CARNS1: variants seen among roughly 807,000 people sequenced by gnomAD.
The protein encoded by CARNS1 is carnosine synthase 1, also known as ATP-grasp domain containing 1.
A neutral mutation model predicts 74.0 loss-of-function variants in CARNS1; 61 were observed. That is an observed-to-expected ratio of 0.82 (90% confidence interval 0.67 to 1.02). The LOEUF is 1.02. Ranked by LOEUF, CARNS1 falls within the 50% of genes least tolerant of loss-of-function variation. CARNS1 has a pLI of 0.00. For synonymous variants in CARNS1, 568 were observed against 605.5 expected, an observed-to-expected ratio of 0.94 and a Z score of 0.91; for missense variants, 1,278 against 1,308.4, an observed-to-expected ratio of 0.98 and a Z score of 0.36.
Position 67,418,817 on chromosome 11 carries a change from GGGTGA to G in CARNS1, c.429_433del (p.Glu144SerfsTer20). 1 of 1,600,472 alleles carries G rather than the reference GGGTGA, an allele frequency of 6.2e-7. No individual in the cohort carries two copies. The highest frequency in any genetic ancestry group is 8.5e-7 in the Non-Finnish European group (1 of 1,174,172). On this transcript the variant is annotated frameshift_variant, in exon 5 of 10. Coordinates refer to ENST00000687366, the MANE Select transcript of CARNS1 (RefSeq NM_001166222.2). LOFTEE classifies it high-confidence loss of function. ...TGAAGGTGCCAGCACCCGGGCAGCC[GGGTGA>G]GGCAGCCCTGCTAGTCTCCAAGGCT...
At chr11:67,418,637 A>C in intron 4 of CARNS1, 117 bp downstream of exon 4, 1 of 1,437,988 alleles carries the variant, frequency 7.0e-7, no homozygotes, top group Non-Finnish European at 9.2e-7. Context: ...CCACCGGAGC[A>C]GCTGCCATGC....
At chr11:67,416,148 C>A in intron 1 of CARNS1, 28 bp from the exon 2 acceptor site, 1 of 1,385,712 alleles carries the variant, frequency 7.2e-7, no homozygotes, top group Non-Finnish European at 9.9e-7. Flanking sequence ...ACTCCTTCGT[C>A]TCTCTGTCCC....
rs561765457 is a variant in CARNS1, at chr11:67,417,637, C to A, written c.234C>A (p.Gly78=). The change falls in exon 3 of 10, where the codon GGC becomes GGA. Residue 78 remains glycine (G), a synonymous_variant. Coordinates refer to ENST00000687366, the MANE Select transcript of CARNS1 (RefSeq NM_001166222.2). ...TGCAGAGCTGTCTGCAGCAAGCTGG[C>A]CTTCCGGAGACTCAGGACCGCGGCC... is the stretch of plus-strand genomic sequence containing the variant. ...SLLQSCLQQA[G]LPETQDRGQV... is the part of the protein sequence containing the mutation. The A allele has an allele frequency of 8.7e-6, 11 of 1,270,600 alleles. No homozygotes were observed. Among genetic ancestry groups the A allele is most frequent in the Non-Finnish European group, 1.1e-5 (11 of 1,006,242 alleles). The allele number at this position is 1,270,600 out of a possible 1,614,324, so 78.7% of individuals were successfully genotyped here.
intron 3 of CARNS1, among the ~76,000 whole-genome samples, chr11:67,418,107 G>A (rs1863594185): frequency 1.3e-5 from 2 of 152,108 alleles, no homozygotes; most frequent in South Asian, 4.1e-4. Flanking sequence ...TCACAGACTT[G>A]GTCCCATTGT....
In CARNS1 at chr11:67,418,463, C is replaced by T. The variant is rs917225584; in HGVS notation, c.307C>T (p.Leu103=). The T allele has an allele frequency of 6.8e-7, 1 of 1,475,942 alleles. No homozygotes were observed. 91.4% of individuals were successfully genotyped at this position (1,475,942 alleles called of 1,614,324 possible). A position where few individuals can be genotyped will look rare whatever the true frequency, so the allele number is the denominator to read the frequency against. The part of the protein sequence containing the change: ...CPGAEVTLCV[L]GSPSTFLPVL... ...TGGGGCGGAGGTGACCTTGTGCGTT[C>T]TGGGCTCCCCCAGCACCTTTCTGCC... Residue 103 remains leucine (L), a synonymous_variant, in exon 4 of 10, where the codon CTG becomes TTG. Coordinates refer to ENST00000687366, the MANE Select transcript of CARNS1 (RefSeq NM_001166222.2).
In CARNS1 at chr11:67,424,445, C is replaced by A; in HGVS notation, c.2697C>A (p.Ala899=). Residue 899 remains alanine (A), a synonymous_variant, in exon 10 of 10, where the codon GCC becomes GCA. Transcript: ENST00000687366. ...TACGCCTCAATCTGCTGGAGGAGGC[C>A]CTGGTGCCTGGCGAGTATGAGGAGC... is the stretch of plus-strand genomic sequence containing the variant. ...GLLRLNLLEE[A]LVPGEYEEPY... 2 of 1,588,688 alleles carry A rather than the reference C, an allele frequency of 1.3e-6. No individual in the cohort carries two copies. Among genetic ancestry groups the A allele is most frequent in the Non-Finnish European group, 8.6e-7 (1 of 1,168,642 alleles).
chr11:67,421,332 G>T, intron 9 of CARNS1, 113 bp downstream of exon 9: 1 of 1,186,416 alleles, frequency 8.4e-7, no homozygotes, highest in African/African-American at 1.6e-5. Flanking sequence ...GACCAGCCGC[G>T]CTAGAGGCGG....
intron 9 of CARNS1, among the ~76,000 whole-genome samples, chr11:67,421,422 G>A (rs1395613802): frequency 6.6e-6 from 1 of 152,234 alleles, no homozygotes; most frequent in Non-Finnish European, 1.5e-5. Context: ...AGGGTGAGGG[G>A]ACTCCGCTAG....
chr11:67,423,332 G>C lies in CARNS1; in HGVS notation c.1627-43G>C, dbSNP rs201038519. 3 of 1,569,264 alleles carry C rather than the reference G, an allele frequency of 1.9e-6. No homozygotes were observed. The highest frequency in any genetic ancestry group is 1.3e-5 in the African/African-American group (1 of 74,490). Reference sequence around the variant, plus strand: ...CCCCATCCTATCCCCCTAGCACCCAGTACTAGCTGACCTGGATATGCCCCA... The same window carrying C: ...CCCCATCCTATCCCCCTAGCACCCACTACTAGCTGACCTGGATATGCCCCA... On this transcript the variant is annotated intron_variant, in intron 9 of 9. Coordinates refer to ENST00000687366, the MANE Select transcript of CARNS1 (RefSeq NM_001166222.2). This position sits in a 1 kb window ranked among gnomAD's most constrained non-coding sequence, Gnocchi z 5.1.
At chr11:67,419,928 T>G in intron 7 of CARNS1, 90 bp downstream of exon 7, 1 of 1,351,632 alleles carries the variant, frequency 7.4e-7, no homozygotes, top group African/African-American at 1.4e-5. Flanking sequence ...CTGAGCCGTC[T>G]CTGGGCAGAG....
chr11:67,421,110 T>C lies in CARNS1; in HGVS notation c.1517T>C (p.Leu506Pro). 2.1e-6 allele frequency: 3 copies of C among 1,454,838 alleles called. No homozygotes were observed. Among genetic ancestry groups the C allele is most frequent in the Non-Finnish European group, 2.7e-6 (3 of 1,110,410 alleles). 90.1% of individuals were successfully genotyped at this position (1,454,838 alleles called of 1,614,324 possible). The change falls in exon 9 of 10, where the codon CTT (leucine) becomes CCT (proline). Residue 506 changes from leucine to proline, a missense_variant. Physicochemically the swap from Leu to Pro is moderately conservative, Grantham distance 98 (BLOSUM62 -3). Coordinates refer to ENST00000687366, the MANE Select transcript of CARNS1 (RefSeq NM_001166222.2). ...GCGGCGCCGCTGGTGGAGACCATGC[T>C]TCGGCGGTCGGCGCGCTGCCTCATG... The part of the protein sequence containing the change: ...AVAAPLVETM[L>P]RRSARCLMEG...
rs1590965090 is a variant in CARNS1 at position 67,425,113 on chromosome 11, A to G, written c.*512A>G. 2 of 456,368 alleles carry G rather than the reference A, an allele frequency of 4.4e-6. No individual in the cohort carries two copies. The highest frequency in any genetic ancestry group is 8.8e-6 in the Non-Finnish European group (2 of 227,174). The allele number at this position is 456,368 out of a possible 1,614,324, so 28.3% of individuals were successfully genotyped here. A position where few individuals can be genotyped will look rare whatever the true frequency, so the allele number is the denominator to read the frequency against. ...CCTGCTGGAAACTTGGTGGCATCCA[A>G]CCTGCCTCATTCGGCCTGACCGGTA... On this transcript the variant is annotated 3_prime_UTR_variant, in exon 10 of 10. Coordinates refer to ENST00000687366, the MANE Select transcript of CARNS1 (RefSeq NM_001166222.2).
At chr11:67,417,217 A>C (rs948377851) in intron 2 of CARNS1, 190 bp from the exon 3 acceptor site, 2 of 1,230,970 alleles carry the variant, frequency 1.6e-6, no homozygotes, top group Admixed American at 8.5e-5. Flanking sequence ...CAGTTTACAA[A>C]GCACTCCCAC....
At chr11:67,416,879 A>C in intron 2 of CARNS1, 1 of 986,544 alleles carries the variant, frequency 1.0e-6, no homozygotes. Context: ...CTGGGCACAC[A>C]GTAGGGCTTC....
Position 67,424,664 on chromosome 11 carries a change from T to C in CARNS1, c.*63T>C, listed in dbSNP as rs1863791665. ...AGGCACTGTGGTGCCCTCTGCTCCC[T>C]GGAGCTCTTCCTGCTTCTCTCCCCA... On this transcript the variant is annotated 3_prime_UTR_variant, in exon 10 of 10. Transcript: ENST00000687366. 2.7e-6 allele frequency: 4 copies of C among 1,477,104 alleles called. No individual in the cohort carries two copies. Among genetic ancestry groups the C allele is most frequent in the Non-Finnish European group, 3.6e-6 (4 of 1,105,574 alleles). The allele number at this position is 1,477,104 out of a possible 1,614,324, so 91.5% of individuals were successfully genotyped here.
At chr11:67,421,523 T>C (rs535477487) in intron 9 of CARNS1, among the ~76,000 whole-genome samples, 2 of 152,172 alleles carry the variant, frequency 1.3e-5, no homozygotes, top group South Asian at 4.2e-4. Context: ...GGGACAGCGT[T>C]AGCGCCAGAG....
At chr11:67,416,386 G>A (rs947315760) in intron 2 of CARNS1, 184 bp downstream of exon 2, 10 of 1,430,648 alleles carry the variant, frequency 7.0e-6, no homozygotes, top group Middle Eastern at 2.3e-4. Context: ...CACTCTTAGT[G>A]CCCTGTGACA....
At chr11:67,419,924 C>T (rs1176565833) in intron 7 of CARNS1, 86 bp downstream of exon 7, 22 of 1,365,662 alleles carry the variant, frequency 1.6e-5, no homozygotes, top group Non-Finnish European at 2.0e-5. Context: ...GCCCCTGAGC[C>T]GTCTCTGGGC....
In CARNS1 at chr11:67,423,696, G is replaced by A; in HGVS notation, c.1948G>A (p.Val650Met). 2.5e-6 allele frequency: 4 copies of A among 1,585,914 alleles called. No individual in the cohort carries two copies. The highest frequency in any genetic ancestry group is 3.4e-6 in the Non-Finnish European group (4 of 1,170,360). Residue 650 changes from valine to methionine, a missense_variant, in exon 10 of 10, where the codon GTG becomes ATG. Coordinates refer to ENST00000687366, the MANE Select transcript of CARNS1 (RefSeq NM_001166222.2). The surrounding 1 kb of genome is among the most constrained non-coding windows in gnomAD (Gnocchi z 5.1). The part of the protein sequence containing the change: ...PPWPAPSLHA[V>M]PCCPLESEAD... The stretch of plus-strand genomic sequence containing the variant: ...CTGGCCTGCGCCCTCCCTCCATGCT[G>A]TGCCCTGCTGCCCACTGGAGAGTGA...
Sources: allele counts gnomAD v4.1 joint callset (sites outside exome capture counted in the v4.1 genomes callset), GRCh38; gene constraint gnomAD v4.1.1; non-coding constraint Gnocchi (gnomAD v3.1); transcripts MANE v1.5; gene names NCBI Gene and HGNC (gene_info 2026-07-23, HGNC 2026-07-21).